METTL15: variants seen among roughly 807,000 people sequenced by gnomAD.
METTL15 encodes the protein methyltransferase 15, mitochondrial 12S rRNA N4-cytidine.
Under a neutral mutation model 38.3 loss-of-function variants are expected in METTL15, and 34 were observed. The observed-to-expected ratio is 0.89, with a 90% CI of 0.68 to 1.18. The LOEUF (loss-of-function observed/expected upper bound fraction) is 1.18, where lower values mean the gene tolerates loss of function less well. METTL15 is among the 50% of genes most tolerant of loss of function. The pLI is 0.00. For synonymous variants in METTL15, 162 were observed against 170.9 expected (o/e 0.95, Z 0.41); for missense variants, 438 against 498.4 (o/e 0.88, Z 1.15).
At chr11:28,137,671 A>G (rs955585060) in intron 3 of METTL15, among the ~76,000 whole-genome samples, 4 of 152,242 alleles carry the variant, frequency 2.6e-5, no homozygotes, top group Non-Finnish European at 5.9e-5. Context: ...TCTGACCAGC[A>G]TAATTCAGAT....
intron 6 of METTL15, among the ~76,000 whole-genome samples, chr11:28,462,819 ATAGT>A (rs1347150208): frequency 1.3e-5 from 2 of 152,144 alleles, no homozygotes; most frequent in African/African-American, 4.8e-5. Context: ...TGTTACCCAA[ATAGT>A]TAGGAAAAGT....
chr11:28,305,446 C>G (rs756128747), intron 6 of METTL15, among the ~76,000 whole-genome samples: 8 of 152,132 alleles, frequency 5.3e-5, no homozygotes, highest in Non-Finnish European at 1.2e-4. Flanking sequence ...CACAGCAACC[C>G]ATGAGGCTGG....
chr11:28,118,861 A>C (rs1852087924), intron 3 of METTL15, among the ~76,000 whole-genome samples: 1 of 152,222 alleles, frequency 6.6e-6, no homozygotes. Flanking sequence ...ATGAGTTAAT[A>C]TACATAAATT....
intron 3 of METTL15, among the ~76,000 whole-genome samples, chr11:28,192,711 A>T (rs1489347776): frequency 1.3e-5 from 2 of 152,152 alleles, no homozygotes; most frequent in South Asian, 2.1e-4. Context: ...TTAAAAATAG[A>T]TGTAGAGCTT....
intron 4 of METTL15, among the ~76,000 whole-genome samples, chr11:28,236,991 C>T (rs1219604889): frequency 6.6e-6 from 1 of 152,034 alleles, no homozygotes; most frequent in African/African-American, 2.4e-5. Context: ...TGATGGGTTT[C>T]CCTTTGTGGG....
Position 28,110,166 on chromosome 11 carries a change from G to C in METTL15, c.-253G>C, listed in dbSNP as rs1851657169. The C allele has an allele frequency of 6.6e-6, 1 of 152,238 alleles. No homozygotes were observed. The highest frequency in any genetic ancestry group is 2.4e-5 in the African/African-American group (1 of 41,460). The allele number at this position is 152,238 out of a possible 1,614,324, so 9.4% of individuals were successfully genotyped here. On this transcript the variant is annotated splice_region_variant and 5_prime_UTR_variant, in exon 2 of 7. Transcript: ENST00000407364. ...GTGAGGTCTTATTTATTTCCCCCAGGAAAGTCGTTTGGAAACCCCAGGCCA... is the reference window on the plus strand; with the variant it reads ...GTGAGGTCTTATTTATTTCCCCCAGCAAAGTCGTTTGGAAACCCCAGGCCA...
chr11:28,171,703 T>C (rs145751965), intron 3 of METTL15, among the ~76,000 whole-genome samples: 1 of 152,152 alleles, frequency 6.6e-6, no homozygotes, highest in South Asian at 2.1e-4. Flanking sequence ...TTTACTTCTT[T>C]GATACTTTCA....
chr11:28,295,395 G>T (rs946472279), intron 5 of METTL15, among the ~76,000 whole-genome samples: 2 of 152,034 alleles, frequency 1.3e-5, no homozygotes, highest in Non-Finnish European at 2.9e-5. Flanking sequence ...AGAGGTGCTG[G>T]CAGCCTACTG....
intron 5 of METTL15, among the ~76,000 whole-genome samples, chr11:28,296,120 T>C (rs1675619552): frequency 6.6e-6 from 1 of 152,158 alleles, no homozygotes; most frequent in Non-Finnish European, 1.5e-5. Flanking sequence ...TACTGCTTAT[T>C]GATTACCAGG....
At chr11:28,267,933 C>T (rs1855490671) in intron 4 of METTL15, among the ~76,000 whole-genome samples, 1 of 152,080 alleles carries the variant, frequency 6.6e-6, no homozygotes, top group African/African-American at 2.4e-5. Flanking sequence ...CGCGGTGGCT[C>T]ACGCCTGTAA....
intron 3 of METTL15, among the ~76,000 whole-genome samples, chr11:28,347,712 C>A (rs1017148798): frequency 6.6e-6 from 1 of 152,306 alleles, no homozygotes; most frequent in Admixed American, 6.5e-5. Flanking sequence ...TTCTAGGCAC[C>A]CAACTCACTA....
rs1409193783 is a variant in METTL15 at position 28,310,999 on chromosome 11, TGTGTGA to T, written c.778+14070_778+14075del. Among the ~76,000 whole-genome samples the T allele has an allele frequency of 3.0e-4, 44 of 144,694 alleles. 1 individual carries two copies. Among genetic ancestry groups the T allele is most frequent in the African/African-American group, 1.0e-3 (38 of 36,976 alleles). The allele number at this position is 144,694 out of a possible 152,430, so 94.9% of individuals were successfully genotyped here. ...GTGTGTGTGTGTGTGTGTGTGTGTG[TGTGTGA>T]GAGAGAGAGAGAGAGAGAGGAAGAG... On this transcript the variant is annotated intron_variant, in intron 6 of 6. Transcript: ENST00000407364.
intron 4 of METTL15, among the ~76,000 whole-genome samples, chr11:28,215,654 G>GA (rs1416907296): frequency 1.4e-4 from 22 of 152,032 alleles, no homozygotes; most frequent in African/African-American, 5.3e-4. Flanking sequence ...CCAAGTTAAA[G>GA]AAAACTATAA....
At chr11:28,388,103 A>G (rs1248873902) in intron 5 of METTL15, among the ~76,000 whole-genome samples, 1 of 152,150 alleles carries the variant, frequency 6.6e-6, no homozygotes, top group Non-Finnish European at 1.5e-5. Context: ...ATAGTGGTGA[A>G]AAACTAACAT....
chr11:28,221,812 G>T lies in METTL15; in HGVS notation c.407+10614G>T, dbSNP rs536793071. Among the ~76,000 whole-genome samples, 11 of 152,282 alleles carry T rather than the reference G, an allele frequency of 7.2e-5. No individual in the cohort carries two copies. The South Asian group carries it at 1.9e-3, about 26-fold the overall frequency. On this transcript the variant is annotated intron_variant, in intron 4 of 6. Transcript: ENST00000407364. ...TGCACATCTGCTGGAGTTTGCTGGA[G>T]GTCCACTCCAGACCCTGTTTGCCTG...
At chr11:28,283,374 G>A (rs925635606) in intron 4 of METTL15, among the ~76,000 whole-genome samples, 3 of 152,120 alleles carry the variant, frequency 2.0e-5, no homozygotes, top group African/African-American at 7.2e-5. Flanking sequence ...GATTTCTGTA[G>A]CCAAGATGGA....
At chr11:28,181,752 A>C (rs1051962371) in intron 3 of METTL15, among the ~76,000 whole-genome samples, 2 of 152,122 alleles carry the variant, frequency 1.3e-5, no homozygotes, top group East Asian at 3.9e-4. Context: ...AGAATGATTT[A>C]TAATTCTTTG....
chr11:28,513,841 C>T (rs988822170), intron 6 of METTL15, among the ~76,000 whole-genome samples: 11 of 152,348 alleles, frequency 7.2e-5, no homozygotes, highest in East Asian at 1.9e-4. Flanking sequence ...AGCAGTTTTC[C>T]GCCCTGGGCG....
intron 6 of METTL15, among the ~76,000 whole-genome samples, chr11:28,308,307 G>A (rs1391842359): frequency 6.6e-6 from 1 of 151,952 alleles, no homozygotes; most frequent in African/African-American, 2.4e-5. Flanking sequence ...CTATATTCCT[G>A]AAAATATCAG....
Sources: allele counts gnomAD v4.1 joint callset (sites outside exome capture counted in the v4.1 genomes callset), GRCh38; gene constraint gnomAD v4.1.1; transcripts MANE v1.5; gene names NCBI Gene and HGNC (gene_info 2026-07-23, HGNC 2026-07-21).